MLLT10: variants seen among roughly 807,000 people sequenced by gnomAD.
The protein encoded by MLLT10 is protein AF-10.
In MLLT10, 30 loss-of-function variants were observed where a neutral mutation model predicts 129.1. That is an observed-to-expected ratio of 0.23 (90% CI 0.17 to 0.32). MLLT10 has a LOEUF of 0.32. Ranked by LOEUF, MLLT10 falls within the 10% of genes least tolerant of loss-of-function variation. The probability of loss-of-function intolerance (pLI) is 1.00; values close to 1 mark genes in which losing one functional copy is unlikely to be tolerated. For missense variants in MLLT10, 1,119 were observed against 1,268.3 expected, an observed-to-expected ratio of 0.88 and a Z score of 1.79; for synonymous variants, 490 against 446.4, an observed-to-expected ratio of 1.10 and a Z score of -1.23.
At chr10:21,736,044 CTCATT>C (rs1442793156) in intron 21 of MLLT10, among the ~76,000 whole-genome samples, 1 of 152,102 alleles carries the variant, frequency 6.6e-6, no homozygotes, top group Non-Finnish European at 1.5e-5. Flanking sequence ...TTTTGTTTAT[CTCATT>C]TCATTCTCCA....
intron 6 of MLLT10, among the ~76,000 whole-genome samples, chr10:21,612,790 A>G (rs1438090800): frequency 2.0e-5 from 3 of 152,206 alleles, no homozygotes; most frequent in South Asian, 2.1e-4. Flanking sequence ...TCTGAATACA[A>G]GGATTCGGTG....
At chr10:21,678,969 T>C (rs1259551500) in intron 11 of MLLT10, among the ~76,000 whole-genome samples, 3 of 152,170 alleles carry the variant, frequency 2.0e-5, no homozygotes, top group Admixed American at 2.0e-4. Flanking sequence ...AATTATTGGC[T>C]AAAAGCATCA....
At chr10:21,576,082 G>A (rs1409411414) in intron 3 of MLLT10, among the ~76,000 whole-genome samples, 6 of 151,478 alleles carry the variant, frequency 4.0e-5, no homozygotes, top group Admixed American at 1.3e-4. Context: ...GTGTGCCACC[G>A]TGCCTGGCTA....
At chr10:21,719,907 T>C (rs2057008806) in intron 14 of MLLT10, among the ~76,000 whole-genome samples, 1 of 152,244 alleles carries the variant, frequency 6.6e-6, no homozygotes, top group East Asian at 1.9e-4. Context: ...AAAACTCATA[T>C]AATTCATGCT....
At chr10:21,539,806 C>T (rs968578930) in intron 3 of MLLT10, among the ~76,000 whole-genome samples, 2 of 151,814 alleles carry the variant, frequency 1.3e-5, no homozygotes, top group African/African-American at 2.4e-5. Context: ...ATTAGCTGGG[C>T]GTGGTGGCAC....
intron 13 of MLLT10, among the ~76,000 whole-genome samples, chr10:21,686,738 T>C (rs1014670926): frequency 2.6e-5 from 4 of 152,142 alleles, no homozygotes; most frequent in African/African-American, 7.2e-5. Context: ...ATCCCAGCAC[T>C]TTGGGAGGCC....
intron 10 of MLLT10, 41 bp from the exon 11 acceptor site, chr10:21,673,309 A>ACCC: frequency 2.0e-5 from 2 of 99,692 alleles, no homozygotes; most frequent in Non-Finnish European, 3.7e-5. Context: ...TGTCCCCCCC[A>ACCC]CCCCCCAACT....
chr10:21,740,748 G>A (rs919629128), intron 22 of MLLT10, among the ~76,000 whole-genome samples: 6 of 152,168 alleles, frequency 3.9e-5, no homozygotes, highest in African/African-American at 1.2e-4. Context: ...GTAAGTGATG[G>A]CATCGTACCC....
intron 14 of MLLT10, among the ~76,000 whole-genome samples, chr10:21,718,046 T>C (rs1589805277): frequency 6.6e-6 from 1 of 152,108 alleles, no homozygotes; most frequent in Non-Finnish European, 1.5e-5. Context: ...AGTTTCACCA[T>C]GTTGGTCAGG....
At chr10:21,716,402 G>A (rs554743456) in intron 14 of MLLT10, among the ~76,000 whole-genome samples, 18 of 152,176 alleles carry the variant, frequency 1.2e-4, no homozygotes, top group Admixed American at 2.6e-4. Context: ...TATTTAAAAC[G>A]TAATTCTAGG....
chr10:21,633,313 A>G (rs1325152987), intron 8 of MLLT10, among the ~76,000 whole-genome samples: 1 of 152,262 alleles, frequency 6.6e-6, no homozygotes, highest in Non-Finnish European at 1.5e-5. Context: ...TTATTATTGT[A>G]ACACTTATGA....
intron 3 of MLLT10, among the ~76,000 whole-genome samples, chr10:21,540,675 G>A (rs1423890463): frequency 6.6e-6 from 1 of 152,088 alleles, no homozygotes; most frequent in Non-Finnish European, 1.5e-5. Context: ...AAATATGATA[G>A]TTCCTTTTTA....
chr10:21,566,273 G>A (rs1244382515), intron 3 of MLLT10, among the ~76,000 whole-genome samples: 1 of 149,870 alleles, frequency 6.7e-6, no homozygotes, highest in Non-Finnish European at 1.5e-5. Context: ...TCTTTTATTT[G>A]CTGTATTTAG....
intron 13 of MLLT10, among the ~76,000 whole-genome samples, chr10:21,692,982 A>T: frequency 6.6e-6 from 1 of 152,116 alleles, no homozygotes; most frequent in East Asian, 1.9e-4. Context: ...TCCCCCACTA[A>T]ATCTTTCTTT....
intron 9 of MLLT10, among the ~76,000 whole-genome samples, chr10:21,669,248 G>A (rs540188337): frequency 6.6e-6 from 1 of 151,980 alleles, no homozygotes; most frequent in African/African-American, 2.4e-5. Flanking sequence ...AGATGATGGG[G>A]GCTGGGGATG....
At chr10:21,666,134 A>G (rs979737635) in intron 9 of MLLT10, among the ~76,000 whole-genome samples, 2 of 152,004 alleles carry the variant, frequency 1.3e-5, no homozygotes, top group African/African-American at 4.8e-5. Context: ...CTGATTTGCA[A>G]TAATTTTTTG....
At chr10:21,556,761 T>G (rs779207355) in intron 3 of MLLT10, 19 of 1,606,400 alleles carry the variant, frequency 1.2e-5, no homozygotes, top group Non-Finnish European at 4.2e-6. Flanking sequence ...GTTCCTCCAG[T>G]TTCTGGTGCT....
intron 3 of MLLT10, among the ~76,000 whole-genome samples, chr10:21,539,663 G>A (rs2034741928): frequency 1.3e-5 from 2 of 152,270 alleles, no homozygotes; most frequent in Middle Eastern, 6.8e-3. Context: ...CAGCTACTTA[G>A]GAGGCTGAAG....
At position 21,557,161 on chromosome 10, in the gene MLLT10, A is replaced by G. The variant is rs201296732; in HGVS notation, c.240+18249A>G. 1.1e-5 allele frequency: 15 copies of G among 1,348,428 alleles called. No individual in the cohort carries two copies. In the East Asian group the frequency reaches 3.6e-4, roughly 33 times the overall value. 83.5% of individuals were successfully genotyped at this position (1,348,428 alleles called of 1,614,324 possible). ...TCGCTGTTAAACTTCCTGAAAAAAT[A>G]AAACTAGTTGATTCACTTCTTCAAA... On this transcript the variant is annotated intron_variant, in intron 3 of 22. Transcript: ENST00000307729.
Sources: allele counts gnomAD v4.1 joint callset (sites outside exome capture counted in the v4.1 genomes callset), GRCh38; gene constraint gnomAD v4.1.1; transcripts MANE v1.5; gene names NCBI Gene and HGNC (gene_info 2026-07-23, HGNC 2026-07-21).